The following APOBR variants were observed in gnomAD, a reference collection of about 807,000 sequenced individuals.
APOBR encodes the protein apoB-48R.
A neutral mutation model predicts 88.5 loss-of-function variants in APOBR; 57 were observed. The ratio of observed to expected loss-of-function variants is 0.64; its 90% CI spans 0.52 to 0.80. APOBR has a LOEUF of 0.80. Among genes scored for constraint, APOBR ranks in the 30% least tolerant of loss-of-function variants. APOBR has a pLI of 0.00. For synonymous variants in APOBR, 588 were observed against 572.7 expected (o/e 1.03, Z -0.38); for missense variants, 1,443 against 1,401.6 (o/e 1.03, Z -0.47).
Position 28,496,192 on chromosome 16 carries a change from T to G in APOBR, c.1151T>G (p.Leu384Arg), listed in dbSNP as rs1235544539. The change falls in exon 2 of 4, where the codon CTG becomes CGG. Residue 384 changes from leucine to arginine, a missense_variant. Coordinates refer to ENST00000564831, the MANE Select transcript of APOBR (RefSeq NM_018690.4). Reference sequence around the variant, plus strand: ...TCAGGCAAAGAGGAGGCTGACCTGCTGGGAGTCAGACAGACAGAATATGGA... The same window carrying G: ...TCAGGCAAAGAGGAGGCTGACCTGCGGGGAGTCAGACAGACAGAATATGGA... Reference protein sequence around the residue: ...TTSGKEEADLLGVRQTEYGAV... With the variant: ...TTSGKEEADLRGVRQTEYGAV... 9 of 1,568,846 alleles carry G rather than the reference T, an allele frequency of 5.7e-6. No homozygotes were observed. The Admixed American group carries it at 1.7e-4, about 30-fold the overall frequency.
rs932161265 is a variant in APOBR, at chr16:28,495,482, G to A, written c.441G>A (p.Gly147=). ...GAAAGAAATCCAAGGCAGGGTCTGG[G>A]GCTTGCCAAGACAGGAGCGGCCAAG... ...EARKKSKAGS[G]ACQDRSGQAQ... Residue 147 remains glycine, a synonymous_variant, in exon 2 of 4, where the codon GGG becomes GGA. Coordinates refer to ENST00000564831, the MANE Select transcript of APOBR (RefSeq NM_018690.4). The A allele has an allele frequency of 3.2e-6, 5 of 1,565,440 alleles. No homozygotes were observed. Among genetic ancestry groups the A allele is most frequent in the Non-Finnish European group, 4.3e-6 (5 of 1,155,216 alleles).
At chr16:28,494,915 C>T (rs920505274) in intron 1 of APOBR, 177 bp downstream of exon 1, 15 of 844,324 alleles carry the variant, frequency 1.8e-5, no homozygotes, top group Non-Finnish European at 2.5e-5. Context: ...TCAGTCCCCA[C>T]CTCCAACCAT....
rs754995250 is a variant in APOBR, at chr16:28,498,165, C to T, written c.3040C>T (p.Arg1014Trp). 32 of 1,601,334 alleles carry T rather than the reference C, an allele frequency of 2.0e-5. No individual in the cohort carries two copies. The highest frequency in any genetic ancestry group is 2.5e-5 in the Non-Finnish European group (29 of 1,179,158). The change falls in exon 3 of 4, where the codon CGG becomes TGG. Residue 1014 changes from arginine to tryptophan, a missense_variant. Coordinates refer to ENST00000564831, the MANE Select transcript of APOBR (RefSeq NM_018690.4). ...LSRSSSQRRS[R>W]PSFRRTPAWE... ...GAGAAGCTCCTCACAGCGTCGCTCC[C>T]GGCCCTCTTTTCGTCGGACTCCGGC... is the stretch of plus-strand genomic sequence containing the variant.
rs756404639 is a variant in APOBR, at chr16:28,498,124, G to T, written c.2999G>T (p.Ser1000Ile). 1 of 1,592,104 alleles carries T rather than the reference G, an allele frequency of 6.3e-7. No individual in the cohort carries two copies. The part of the protein sequence containing the change: ...GSLLDVSVPR[S>I]RVHLSRSSSQ... ...CTCCTAGACGTCTCTGTCCCAAGGA[G>T]TCGCGTGCACCTCTCGAGAAGCTCC... The change falls in exon 3 of 4, where the codon AGT (serine) becomes ATT (isoleucine). Residue 1000 changes from serine to isoleucine, a missense_variant. Ser to Ile is a moderately radical substitution (Grantham distance 142, BLOSUM62 -2). Transcript: ENST00000564831.
Position 28,498,185 on chromosome 16 carries a change from T to G in APOBR, c.3060T>G (p.Thr1020=), listed in dbSNP as rs1256070727. 1 of 1,603,608 alleles carries G rather than the reference T, an allele frequency of 6.2e-7. No homozygotes were observed. The part of the protein sequence containing the change: ...QRRSRPSFRR[T]PAWEQQEEPP... ...GCTCCCGGCCCTCTTTTCGTCGGAC[T>G]CCGGCCTGGGAGCAGCAGGAGGAGC... The change falls in exon 3 of 4, where the codon ACT becomes ACG. Residue 1020 remains threonine (T), a synonymous_variant. Coordinates refer to ENST00000564831, the MANE Select transcript of APOBR (RefSeq NM_018690.4).
At chr16:28,494,888 C>T in intron 1 of APOBR, 150 bp downstream of exon 1, 2 of 889,384 alleles carry the variant, frequency 2.2e-6, no homozygotes, top group Non-Finnish European at 3.4e-6. Flanking sequence ...GACTCCTGGC[C>T]TAATATTTTC....
intron 1 of APOBR, 82 bp from the exon 2 acceptor site, chr16:28,495,017 T>C: frequency 2.3e-6 from 3 of 1,327,498 alleles, no homozygotes; most frequent in South Asian, 3.3e-5. Flanking sequence ...TTCCTTAACC[T>C]GGGCTCCTCC....
Position 28,496,386 on chromosome 16 carries a change from G to A in APOBR, c.1345G>A (p.Ala449Thr), listed in dbSNP as rs772406977. Residue 449 changes from alanine to threonine, a missense_variant, in exon 2 of 4, where the codon GCT becomes ACT. Transcript: ENST00000564831. ...TGAGAGCCAGACCGCAGGGAGGGAAGCTGTGGGAGGCCAGGAGGCAGGGGA... is the reference window on the plus strand; with the variant it reads ...TGAGAGCCAGACCGCAGGGAGGGAAACTGTGGGAGGCCAGGAGGCAGGGGA... ...AAESQTAGRE[A>T]VGGQEAGESF... The A allele has an allele frequency of 1.1e-5, 18 of 1,608,270 alleles. No homozygotes were observed. The highest frequency in any genetic ancestry group is 1.1e-4 in the East Asian group (5 of 44,814).
chr16:28,494,918 C>T (rs1406636449), intron 1 of APOBR, 180 bp downstream of exon 1: 1 of 845,264 alleles, frequency 1.2e-6, no homozygotes, highest in East Asian at 2.7e-5. Flanking sequence ...GTCCCCACCT[C>T]CAACCATGCG....
Position 28,497,023 on chromosome 16 carries a change from A to C in APOBR, c.1982A>C (p.Glu661Ala), listed in dbSNP as rs377434451. The change falls in exon 2 of 4, where the codon GAG becomes GCG. Residue 661 changes from glutamate to alanine, a missense_variant. Coordinates refer to ENST00000564831, the MANE Select transcript of APOBR (RefSeq NM_018690.4). ...GCGGGAGGCCAGACCCTGGCGGCTG[A>C]GGCTGAAGGAGACCGAGAGTCTGAA... The part of the protein sequence containing the change: ...ETAGGQTLAA[E>A]AEGDRESELS... The C allele has an allele frequency of 1.1e-5, 18 of 1,578,736 alleles. No homozygotes were observed. Among genetic ancestry groups the C allele is most frequent in the Non-Finnish European group, 1.5e-5 (18 of 1,162,996 alleles).
Position 28,496,035 on chromosome 16 carries a change from T to C in APOBR, c.994T>C (p.Ser332Pro). Residue 332 changes from serine to proline, a missense_variant, in exon 2 of 4, where the codon TCG (serine) becomes CCG (proline). Transcript: ENST00000564831. Reference sequence around the variant, plus strand: ...AGGCGGGGAGGAGGCCGGGACAGCCTCGGGAGGGGAGGAGGCCGGGATAGC... The same window carrying C: ...AGGCGGGGAGGAGGCCGGGACAGCCCCGGGAGGGGAGGAGGCCGGGATAGC... The part of the protein sequence containing the change: ...ASGGEEAGTA[S>P]GGEEAGIASG... The C allele has an allele frequency of 1.9e-6, 3 of 1,569,338 alleles. No homozygotes were observed. The highest frequency in any genetic ancestry group is 2.6e-6 in the Non-Finnish European group (3 of 1,158,934).
Position 28,498,797 on chromosome 16 carries a change from A to C in APOBR, c.*292A>C, listed in dbSNP as rs2046413302. 1.7e-6 allele frequency: 1 copy of C among 574,510 alleles called. No individual in the cohort carries two copies. Among genetic ancestry groups the C allele is most frequent in the East Asian group, 3.1e-5 (1 of 32,620 alleles). 35.6% of individuals were successfully genotyped at this position (574,510 alleles called of 1,614,324 possible). Reference sequence around the variant, plus strand: ...GCCTGAGTCAGCTGTCTGGACTGCAAGGAGGCTGGGCACGGGGGCTCACGC... The same window carrying C: ...GCCTGAGTCAGCTGTCTGGACTGCACGGAGGCTGGGCACGGGGGCTCACGC... On this transcript the variant is annotated 3_prime_UTR_variant, in exon 4 of 4. Transcript: ENST00000564831.
rs556138528 is a variant in APOBR at position 28,496,373 on chromosome 16, C to T, written c.1332C>T (p.Thr444=). Residue 444 remains threonine (T), a synonymous_variant, in exon 2 of 4, where the codon ACC becomes ACT. Coordinates refer to ENST00000564831, the MANE Select transcript of APOBR (RefSeq NM_018690.4). The part of the protein sequence containing the change: ...ERTEEAAESQ[T]AGREAVGGQE... ...CAGAAGAGGCTGCTGAGAGCCAGAC[C>T]GCAGGGAGGGAAGCTGTGGGAGGCC... 1.1e-5 allele frequency: 18 copies of T among 1,603,472 alleles called. No individual in the cohort carries two copies. Among genetic ancestry groups the T allele is most frequent in the East Asian group, 8.9e-5 (4 of 44,728 alleles).
At position 28,495,658 on chromosome 16, in the gene APOBR, C is replaced by G; in HGVS notation, c.617C>G (p.Thr206Arg). The G allele has an allele frequency of 6.5e-7, 1 of 1,546,108 alleles. No individual in the cohort carries two copies. The highest frequency in any genetic ancestry group is 8.7e-7 in the Non-Finnish European group (1 of 1,143,616). Residue 206 changes from threonine (T) to arginine (R), a missense_variant, in exon 2 of 4, where the codon ACG (threonine) becomes AGG (arginine). Physicochemically the swap from Thr to Arg is moderately conservative, Grantham distance 71. Transcript: ENST00000564831. ...AESEWTWHGE[T>R]EGKAGAVGPK... ...TCAGAGTGGACCTGGCATGGGGAGA[C>G]GGAGGGGAAGGCTGGTGCTGTTGGG... is the stretch of plus-strand genomic sequence containing the variant.
rs376347901 is a variant in APOBR at position 28,497,939 on chromosome 16, C to T, written c.2898C>T (p.Ala966=). Residue 966 remains alanine (A), a synonymous_variant, in exon 2 of 4, where the codon GCC becomes GCT. Transcript: ENST00000564831. ...AEAAPESVGE[A]ETAEAMGSAR... is the part of the protein sequence containing the mutation. The stretch of plus-strand genomic sequence containing the variant: ...CTGCGCCGGAGTCAGTCGGGGAAGC[C>T]GAGACGGCTGAGGCCATGGGCAGTG... The T allele has an allele frequency of 1.9e-5, 30 of 1,612,940 alleles. No individual in the cohort carries two copies. Among genetic ancestry groups the T allele is most frequent in the African/African-American group, 6.7e-5 (5 of 74,816 alleles).
Position 28,495,181 on chromosome 16 carries a change from T to C in APOBR, c.140T>C (p.Leu47Pro). 6.4e-7 allele frequency: 1 copy of C among 1,570,966 alleles called. No individual in the cohort carries two copies. The highest frequency in any genetic ancestry group is 8.6e-7 in the Non-Finnish European group (1 of 1,160,352). ...CGGGAGGCGCAGGCGGCTGAGGAAC[T>C]GGGGGTGGTGGCGGTGGGAAAGACA... ...VEREAQAAEE[L>P]GVVAVGKTGK... The change falls in exon 2 of 4, where the codon CTG becomes CCG. Residue 47 changes from leucine (L) to proline (P), a missense_variant. Coordinates refer to ENST00000564831, the MANE Select transcript of APOBR (RefSeq NM_018690.4).
chr16:28,497,287 T>TC lies in APOBR; in HGVS notation c.2249dup (p.Asp751GlyfsTer3), dbSNP rs754996594. ...AGGCTGCAAGCGGTGGCTGTGGGCCTCCCGGACCGTGAGGATGCACAGACT... is the reference window on the plus strand; with the variant it reads ...AGGCTGCAAGCGGTGGCTGTGGGCCTCCCCGGACCGTGAGGATGCACAGACT... On this transcript the variant is annotated frameshift_variant, in exon 2 of 4. Transcript: ENST00000564831. LOFTEE classifies it high-confidence loss of function. 38 of 1,592,798 alleles carry TC rather than the reference T, an allele frequency of 2.4e-5. No homozygotes were observed. Among genetic ancestry groups the TC allele is most frequent in the Non-Finnish European group, 2.9e-5 (34 of 1,170,298 alleles).
rs754593871 is a variant in APOBR, at chr16:28,497,603, G to T, written c.2562G>T (p.Gly854=). The change falls in exon 2 of 4, where the codon GGG becomes GGT. Residue 854 remains glycine (G), a synonymous_variant. Transcript: ENST00000564831. ...EESAGAEDSC[G]LDPAGSQTAR... ...CTGCAGGCGCAGAGGACAGCTGTGG[G>T]CTGGATCCCGCGGGCTCCCAGACAG... 2.7e-5 allele frequency: 44 copies of T among 1,605,662 alleles called. No homozygotes were observed. The highest frequency in any genetic ancestry group is 3.5e-5 in the Non-Finnish European group (41 of 1,176,238).
Position 28,496,914 on chromosome 16 carries a change from G to A in APOBR, c.1873G>A (p.Glu625Lys), listed in dbSNP as rs754742667. The change falls in exon 2 of 4, where the codon GAA becomes AAA. Residue 625 changes from glutamate (E) to lysine (K), a missense_variant. By Grantham distance (56) the Glu-to-Lys change is moderately conservative. Transcript: ENST00000564831. The part of the protein sequence containing the change: ...EASEAFPGAW[E>K]NRTRKDMERG... ...CTCCGAGGCCTTCCCAGGAGCCTGG[G>A]AAAACCGCACGAGAAAGGACATGGA... is the stretch of plus-strand genomic sequence containing the variant. 6 of 1,559,788 alleles carry A rather than the reference G, an allele frequency of 3.8e-6. No homozygotes were observed. Among genetic ancestry groups the A allele is most frequent in the Non-Finnish European group, 5.2e-6 (6 of 1,152,608 alleles).
Sources: allele counts gnomAD v4.1 joint callset, GRCh38; gene constraint gnomAD v4.1.1; transcripts MANE v1.5; gene names NCBI Gene and HGNC (gene_info 2026-07-23, HGNC 2026-07-21).